KSR2: variants seen among roughly 807,000 people sequenced by gnomAD.
KSR2 encodes kinase suppressor of ras 2.
Under a neutral mutation model 107.8 loss-of-function variants are expected in KSR2, and 25 were observed. The ratio of observed to expected loss-of-function variants is 0.23; its 90% CI spans 0.17 to 0.32. KSR2 has a LOEUF of 0.32. KSR2 is among the 10% of genes least tolerant of loss of function. KSR2 has a pLI of 1.00. For synonymous variants in KSR2, 480 were observed against 507.0 expected (o/e 0.95, Z 0.71); for missense variants, 887 against 1,268.9 (o/e 0.70, Z 4.57).
At chr12:117,520,395 T>C (rs1324545916) in intron 14 of KSR2, among the ~76,000 whole-genome samples, 1 of 152,172 alleles carries the variant, frequency 6.6e-6, no homozygotes, top group Non-Finnish European at 1.5e-5. Context: ...GGGAACTGAT[T>C]TCAGCAAAAA....
Position 117,736,562 on chromosome 12 carries a change from C to A in KSR2, c.986+24449G>T, listed in dbSNP as rs1887947183. The stretch of plus-strand genomic sequence containing the variant: ...CAGTGGCTCACACCTATAATCCCAG[C>A]ACTTTGGGAGACCAAGGCAGGAGGA... On this transcript the variant is annotated intron_variant, in intron 4 of 19. Coordinates refer to ENST00000339824, the MANE Select transcript of KSR2 (RefSeq NM_173598.6). Among the ~76,000 whole-genome samples, 2 of 152,306 alleles carry A rather than the reference C, an allele frequency of 1.3e-5. 1 individual carries two copies. Among genetic ancestry groups the A allele is most frequent in the South Asian group, 4.1e-4 (2 of 4,828 alleles).
intron 1 of KSR2, among the ~76,000 whole-genome samples, chr12:117,899,650 G>T (rs1894624638): frequency 6.6e-6 from 1 of 152,214 alleles, no homozygotes; most frequent in African/African-American, 2.4e-5. Flanking sequence ...GCTGCCCCTG[G>T]TATTGTCCTT....
intron 3 of KSR2, among the ~76,000 whole-genome samples, chr12:117,853,413 G>A (rs1258041795): frequency 6.6e-6 from 1 of 152,134 alleles, no homozygotes; most frequent in African/African-American, 2.4e-5. Context: ...TACTATCTCA[G>A]CTTGCTGCAG....
At chr12:117,847,550 C>A (rs371417642) in intron 3 of KSR2, among the ~76,000 whole-genome samples, 62 of 152,312 alleles carry the variant, frequency 4.1e-4, no homozygotes, top group African/African-American at 1.4e-3. Flanking sequence ...GGATTCCCAG[C>A]ATCTGTCACC....
intron 1 of KSR2, among the ~76,000 whole-genome samples, chr12:117,874,534 G>A (rs1373583770): frequency 2.0e-5 from 3 of 152,126 alleles, no homozygotes; most frequent in Admixed American, 1.3e-4. Context: ...TACCTGGCCC[G>A]ATTGTAAATA....
chr12:117,966,242 C>A (rs1222172694), intron 1 of KSR2, among the ~76,000 whole-genome samples: 2 of 152,164 alleles, frequency 1.3e-5, no homozygotes, highest in African/African-American at 4.8e-5. Flanking sequence ...GAAACTTACA[C>A]AGGAATACAC....
rs1026086951 is a variant in KSR2, at chr12:117,968,385, T to C, written c.-130A>G. 98 of 1,380,402 alleles carry C rather than the reference T, an allele frequency of 7.1e-5. No homozygotes were observed. Among genetic ancestry groups the C allele is most frequent in the Non-Finnish European group, 9.0e-5 (97 of 1,075,080 alleles). The allele number at this position is 1,380,402 out of a possible 1,614,324, so 85.5% of individuals were successfully genotyped here. On this transcript the variant is annotated 5_prime_UTR_variant, in exon 1 of 20. Coordinates refer to ENST00000339824, the MANE Select transcript of KSR2 (RefSeq NM_173598.6). ...TCAACAATGTCTCATGAAGAAGAAA[T>C]CCAACATCTCACACAGGGTTGAGGG...
intron 3 of KSR2, among the ~76,000 whole-genome samples, chr12:117,793,446 C>G (rs1890372310): frequency 6.7e-6 from 1 of 149,602 alleles, no homozygotes; most frequent in South Asian, 2.1e-4. Context: ...CATGCACACT[C>G]AAACCAACAT....
intron 10 of KSR2, among the ~76,000 whole-genome samples, chr12:117,538,961 G>A (rs751575562): frequency 6.6e-6 from 1 of 151,992 alleles, no homozygotes; most frequent in Non-Finnish European, 1.5e-5. Flanking sequence ...GAGATTCTTA[G>A]GTCTCGTCTA....
At chr12:117,481,447 T>C (rs1872172144) in intron 16 of KSR2, among the ~76,000 whole-genome samples, 1 of 152,104 alleles carries the variant, frequency 6.6e-6, no homozygotes, top group Non-Finnish European at 1.5e-5. Flanking sequence ...CTCTCTCTCT[T>C]TCGGTGCACA....
intron 3 of KSR2, among the ~76,000 whole-genome samples, chr12:117,774,388 T>C (rs1383537249): frequency 1.3e-5 from 2 of 152,118 alleles, no homozygotes; most frequent in South Asian, 4.2e-4. Context: ...ATTAATGAGC[T>C]TGGCATTCAG....
intron 7 of KSR2, 40 bp downstream of exon 7, chr12:117,579,079 C>T (rs753519829): frequency 1.8e-5 from 26 of 1,436,274 alleles, no homozygotes; most frequent in African/African-American, 1.1e-4. Flanking sequence ...TAGCTGACAT[C>T]GGGTGCTGCG....
chr12:117,519,686 T>C (rs1874613608), intron 14 of KSR2, among the ~76,000 whole-genome samples: 1 of 151,974 alleles, frequency 6.6e-6, no homozygotes, highest in Non-Finnish European at 1.5e-5. Flanking sequence ...TGTGTGCATT[T>C]CTTTGAGGGG....
chr12:117,522,211 C>T (rs777378513), intron 14 of KSR2, among the ~76,000 whole-genome samples: 1 of 152,130 alleles, frequency 6.6e-6, no homozygotes, highest in African/African-American at 2.4e-5. Flanking sequence ...AACACATTTT[C>T]ATAATGACCA....
chr12:117,477,949 C>A (rs1871893276), intron 16 of KSR2, among the ~76,000 whole-genome samples: 1 of 152,222 alleles, frequency 6.6e-6, no homozygotes, highest in Non-Finnish European at 1.5e-5. Context: ...TCCCTTCTTT[C>A]ACTGGAAGTC....
chr12:117,544,369 T>A (rs879919044), intron 9 of KSR2, among the ~76,000 whole-genome samples: 3 of 152,250 alleles, frequency 2.0e-5, no homozygotes, highest in African/African-American at 7.2e-5. Flanking sequence ...CTTGTAATCC[T>A]AGCACTTTGG....
In KSR2 at chr12:117,887,814, A is replaced by T. The variant is rs180916552; in HGVS notation, c.181-27383T>A. On this transcript the variant is annotated intron_variant, in intron 1 of 19. Coordinates refer to ENST00000339824, the MANE Select transcript of KSR2 (RefSeq NM_173598.6). ...ATGCATTAAAAAATAAAAATAAAAA[A>T]AAATTTTAAAAAACTCTCCTCCACT... is the stretch of plus-strand genomic sequence containing the variant. Among the ~76,000 whole-genome samples the T allele has an allele frequency of 1.3e-3, 198 of 152,258 alleles. 1 individual carries two copies. Among genetic ancestry groups the T allele is most frequent in the East Asian group, 3.7e-3 (19 of 5,188 alleles).
rs372969407 is a variant in KSR2, at chr12:117,460,111, C to A, written c.*7088G>T. The A allele has an allele frequency of 4.4e-4, 67 of 152,300 alleles. No homozygotes were observed. The highest frequency in any genetic ancestry group is 1.6e-3 in the African/African-American group (67 of 41,554). The allele number at this position is 152,300 out of a possible 1,614,324, so 9.4% of individuals were successfully genotyped here. On this transcript the variant is annotated 3_prime_UTR_variant, in exon 20 of 20. Coordinates refer to ENST00000339824, the MANE Select transcript of KSR2 (RefSeq NM_173598.6). Reference sequence around the variant, plus strand: ...TTGTCCCAGGACCCTTTCAATAATGCAAATCCGGCGAGTTTTCCATGGAAT... The same window carrying A: ...TTGTCCCAGGACCCTTTCAATAATGAAAATCCGGCGAGTTTTCCATGGAAT...
rs543619135 is a variant in KSR2 at position 117,856,606 on chromosome 12, A to G, written c.322-1028T>C. ...ATTCTCCTGCCTCAGCCTCCTAAGT[A>G]GCTAGGATTACAGCCACTCACCACC... On this transcript the variant is annotated intron_variant, in intron 2 of 19. Transcript: ENST00000339824. Among the ~76,000 whole-genome samples, 218 of 152,158 alleles carry G rather than the reference A, an allele frequency of 1.4e-3. 3 individuals are homozygous for G. The highest frequency in any genetic ancestry group is 0.014 in the Admixed American group (217 of 15,272).
Sources: gnomAD v4.1 joint callset for allele counts (sites outside exome capture counted in the v4.1 genomes callset) on GRCh38, gnomAD v4.1.1 for gene constraint, MANE v1.5 for transcripts, NCBI Gene and HGNC (gene_info 2026-07-23, HGNC 2026-07-21) for gene names.